SNX6: variants seen among roughly 807,000 people sequenced by gnomAD.
SNX6 encodes the protein sorting nexin-6.
Under a neutral mutation model 63.0 loss-of-function variants are expected in SNX6, and 34 were observed. The observed-to-expected ratio is 0.54, with a 90% CI of 0.41 to 0.72. The LOEUF (loss-of-function observed/expected upper bound fraction) is 0.72. Ranked by LOEUF, SNX6 falls within the 30% of genes least tolerant of loss-of-function variation. SNX6 has a pLI of 0.00. For missense variants in SNX6, 398 were observed against 471.4 expected (o/e 0.84, Z 1.44); for synonymous variants, 170 against 164.2 (o/e 1.04, Z -0.27).
chr14:34,629,595 G>T (rs1370433843), intron 2 of SNX6: 14 of 631,380 alleles, frequency 2.2e-5, no homozygotes, highest in Non-Finnish European at 3.5e-5. Context: ...GGGTGGGGGC[G>T]TTCCATCTCC....
chr14:34,624,537 C>T (rs1277364061), intron 2 of SNX6, among the ~76,000 whole-genome samples: 1 of 152,092 alleles, frequency 6.6e-6, no homozygotes, highest in Non-Finnish European at 1.5e-5. Context: ...GTGGCTCACA[C>T]CTGTAATCCC....
chr14:34,623,890 G>A (rs1217379570), intron 2 of SNX6, among the ~76,000 whole-genome samples: 18 of 152,044 alleles, frequency 1.2e-4, no homozygotes, highest in Admixed American at 1.2e-3. Flanking sequence ...CCATCACTCT[G>A]GCATGCACTG....
intron 2 of SNX6, among the ~76,000 whole-genome samples, chr14:34,626,810 A>G (rs1883846506): frequency 6.6e-6 from 1 of 152,174 alleles, no homozygotes; most frequent in African/African-American, 2.4e-5. Context: ...CTCAAAAATT[A>G]GTATTTTTAC....
intron 2 of SNX6, among the ~76,000 whole-genome samples, chr14:34,628,934 G>T (rs1304993196): frequency 6.6e-6 from 1 of 152,082 alleles, no homozygotes; most frequent in Non-Finnish European, 1.5e-5. Flanking sequence ...AAGGAAAAAG[G>T]GGGTGGAGAG....
chr14:34,605,450 T>C (rs1272477464), intron 5 of SNX6, 146 bp downstream of exon 5: 15 of 589,312 alleles, frequency 2.5e-5, no homozygotes, highest in Non-Finnish European at 1.1e-5. Context: ...TCATTAATAC[T>C]GGTTGTATGA....
In SNX6 at chr14:34,626,837, C is replaced by T. The variant is rs181506549; in HGVS notation, c.54+3070G>A. Among the ~76,000 whole-genome samples the T allele has an allele frequency of 1.5e-3, 227 of 152,218 alleles. 3 individuals are homozygous for T. Among genetic ancestry groups the T allele is most frequent in the African/African-American group, 5.2e-3 (215 of 41,532 alleles). On this transcript the variant is annotated intron_variant, in intron 2 of 13. Transcript: ENST00000362031. ...TATTTTTACTGAACATTATTAAGAT[C>T]CTCCAAGAAAGCAAATCCTGTTTGC... is the stretch of plus-strand genomic sequence containing the variant.
At chr14:34,604,403 G>A in intron 5 of SNX6, 1 of 655,404 alleles carries the variant, frequency 1.5e-6, no homozygotes, top group Non-Finnish European at 2.0e-6. Flanking sequence ...TCAGACCGCT[G>A]CTTGCAACTA....
intron 11 of SNX6, among the ~76,000 whole-genome samples, chr14:34,573,561 C>A (rs1371090171): frequency 2.1e-4 from 31 of 150,516 alleles, no homozygotes; most frequent in Non-Finnish European, 1.5e-5. Flanking sequence ...GGCAACAGGG[C>A]GAGACTCTGC....
At chr14:34,572,626 G>A (rs1353293507) in intron 11 of SNX6, among the ~76,000 whole-genome samples, 6 of 152,042 alleles carry the variant, frequency 3.9e-5, no homozygotes, top group Admixed American at 3.9e-4. Context: ...CATTGAATTT[G>A]CATTATCTGA....
intron 2 of SNX6, among the ~76,000 whole-genome samples, chr14:34,627,141 G>A (rs1365161447): frequency 6.6e-6 from 1 of 151,950 alleles, no homozygotes; most frequent in Non-Finnish European, 1.5e-5. Flanking sequence ...CACCAAGCTT[G>A]CCTAAGTTTA....
chr14:34,571,472 A>C (rs912281053), intron 11 of SNX6, among the ~76,000 whole-genome samples: 1 of 152,034 alleles, frequency 6.6e-6, no homozygotes, highest in East Asian at 1.9e-4. Flanking sequence ...ACACAGAAGA[A>C]ACTTAAGCGC....
rs1880979853 is a variant in SNX6 at position 34,562,657 on chromosome 14, T to C, written c.*465A>G. The C allele has an allele frequency of 6.5e-6, 1 of 153,234 alleles. No homozygotes were observed. The highest frequency in any genetic ancestry group is 1.5e-5 in the Non-Finnish European group (1 of 68,524). 9.5% of individuals were successfully genotyped at this position (153,234 alleles called of 1,614,324 possible). The stretch of plus-strand genomic sequence containing the variant: ...AAAAATAAGTCTGATTAAGATGCTT[T>C]ACCAGGATACATGAATGAACTAAGG... On this transcript the variant is annotated 3_prime_UTR_variant, in exon 14 of 14. Coordinates refer to ENST00000362031, the MANE Select transcript of SNX6 (RefSeq NM_152233.4).
At chr14:34,590,695 G>A (rs1188492746) in intron 8 of SNX6, among the ~76,000 whole-genome samples, 1 of 152,058 alleles carries the variant, frequency 6.6e-6, no homozygotes, top group African/African-American at 2.4e-5. Context: ...AAAAAAAATT[G>A]GTAGTTTCTT....
chr14:34,626,560 A>C (rs1883833589), intron 2 of SNX6, among the ~76,000 whole-genome samples: 1 of 151,430 alleles, frequency 6.6e-6, no homozygotes, highest in Non-Finnish European at 1.5e-5. Context: ...GCTACTCAGG[A>C]GGCTAAGGCA....
intron 13 of SNX6, among the ~76,000 whole-genome samples, 180 bp from the exon 14 acceptor site, chr14:34,563,355 G>A (rs1458126645): frequency 2.0e-5 from 3 of 152,010 alleles, no homozygotes; most frequent in Non-Finnish European, 2.9e-5. Flanking sequence ...TCAGGAGATC[G>A]AGACCATCCT....
At chr14:34,569,088 G>C in intron 11 of SNX6, 1 of 1,026,058 alleles carries the variant, frequency 9.7e-7, no homozygotes. Flanking sequence ...GAGCTCTGAT[G>C]AACTCCTGCT....
At chr14:34,594,076 T>C (rs1358844885) in intron 7 of SNX6, among the ~76,000 whole-genome samples, 1 of 152,180 alleles carries the variant, frequency 6.6e-6, no homozygotes, top group East Asian at 1.9e-4. Context: ...CTCTACAATT[T>C]TGCTCTTCAA....
At chr14:34,593,913 G>C (rs1425838056) in intron 7 of SNX6, among the ~76,000 whole-genome samples, 1 of 151,514 alleles carries the variant, frequency 6.6e-6, no homozygotes, top group African/African-American at 2.4e-5. Flanking sequence ...ACAGGGTTTC[G>C]CCATGTTGGC....
chr14:34,629,357 T>C lies in SNX6; in HGVS notation c.54+550A>G, dbSNP rs1241062315. ...TGTTGGATATTAGAAAAAGTAAAGA[T>C]ACCATGGGCTACCTGCACTTTGCAT... On this transcript the variant is annotated intron_variant, in intron 2 of 13. Transcript: ENST00000362031. 29 of 371,164 alleles carry C rather than the reference T, an allele frequency of 7.8e-5. No homozygotes were observed. In the Admixed American group the frequency reaches 9.8e-4, roughly 13 times the overall value. 23.0% of individuals were successfully genotyped at this position (371,164 alleles called of 1,614,324 possible).
Sources: allele counts gnomAD v4.1 joint callset (sites outside exome capture counted in the v4.1 genomes callset), GRCh38; gene constraint gnomAD v4.1.1; transcripts MANE v1.5; gene names NCBI Gene and HGNC (gene_info 2026-07-23, HGNC 2026-07-21).